Variants in GRIK2 observed in about 807,000 individuals in gnomAD.
GRIK2 encodes the protein glutamate ionotropic receptor kainate type subunit 2.
A neutral mutation model predicts 100.3 loss-of-function variants in GRIK2; 32 were observed. The observed-to-expected ratio is 0.32, with a 90% confidence interval of 0.24 to 0.43. The LOEUF (loss-of-function observed/expected upper bound fraction) is 0.43. Among genes scored for constraint, GRIK2 ranks in the 20% least tolerant of loss-of-function variants. The pLI is 1.00. For missense variants in GRIK2, 843 were observed against 1,114.9 expected, an observed-to-expected ratio of 0.76 and a Z score of 3.47; for synonymous variants, 417 against 389.4, an observed-to-expected ratio of 1.07 and a Z score of -0.83.
rs185914070 is a variant in GRIK2 at position 101,562,751 on chromosome 6, G to C, written c.116-59198G>C. 3.2e-4 allele frequency among the ~76,000 whole-genome samples: 49 copies of C among 152,066 alleles called. No individual in the cohort carries two copies. In the East Asian group the frequency reaches 5.0e-3, roughly 16 times the overall value. ...CTGATGATTAAATGATGTAATATAT[G>C]TAAAACATCAAGTTGAGTGCCATAT... On this transcript the variant is annotated intron_variant, in intron 2 of 16. Transcript: ENST00000369134.
At chr6:101,696,306 T>C (rs1050921797) in intron 7 of GRIK2, among the ~76,000 whole-genome samples, 32 of 151,520 alleles carry the variant, frequency 2.1e-4, no homozygotes, top group African/African-American at 7.3e-4. Flanking sequence ...ATTTATATTA[T>C]ATATAATGCA....
chr6:101,899,875 T>C (rs1465065546), intron 12 of GRIK2, among the ~76,000 whole-genome samples: 1 of 152,144 alleles, frequency 6.6e-6, no homozygotes, highest in Non-Finnish European at 1.5e-5. Flanking sequence ...CTTCCCTTAC[T>C]ATTCTTGGTA....
intron 6 of GRIK2, among the ~76,000 whole-genome samples, chr6:101,683,334 C>A (rs1771430344): frequency 6.6e-6 from 1 of 152,092 alleles, no homozygotes; most frequent in South Asian, 2.1e-4. Flanking sequence ...TCTGCTTTTG[C>A]CTGTATTTAG....
intron 10 of GRIK2, among the ~76,000 whole-genome samples, chr6:101,835,634 C>T (rs1261371273): frequency 1.3e-5 from 2 of 150,460 alleles, no homozygotes; most frequent in African/African-American, 4.9e-5. Flanking sequence ...CCACGCCTGG[C>T]TAATTTTTGT....
intron 12 of GRIK2, among the ~76,000 whole-genome samples, chr6:101,917,303 CAAG>C (rs887299662): frequency 3.3e-5 from 5 of 151,810 alleles, no homozygotes; most frequent in African/African-American, 1.2e-4. Context: ...TTCTGCTTCT[CAAG>C]AAAATGCCAA....
chr6:101,736,346 C>A (rs1775631125), intron 7 of GRIK2, among the ~76,000 whole-genome samples: 1 of 152,240 alleles, frequency 6.6e-6, no homozygotes, highest in African/African-American at 2.4e-5. Flanking sequence ...GACCCAACAT[C>A]TCCCTTTCAC....
At chr6:101,605,156 G>A (rs1432464041) in intron 2 of GRIK2, among the ~76,000 whole-genome samples, 1 of 151,958 alleles carries the variant, frequency 6.6e-6, no homozygotes, top group African/African-American at 2.4e-5. Context: ...ACAAAGGAAA[G>A]GCTTGATGCT....
intron 4 of GRIK2, among the ~76,000 whole-genome samples, chr6:101,636,313 G>C (rs540504024): frequency 1.7e-4 from 26 of 152,150 alleles, no homozygotes; most frequent in African/African-American, 5.1e-4. Context: ...AGAACACATG[G>C]ACACAGAGGG....
At chr6:101,481,262 T>C (rs933186995) in intron 2 of GRIK2, among the ~76,000 whole-genome samples, 2 of 152,198 alleles carry the variant, frequency 1.3e-5, no homozygotes, top group African/African-American at 2.4e-5. Context: ...CTGTTTTTGG[T>C]ATATGAAATT....
intron 2 of GRIK2, among the ~76,000 whole-genome samples, chr6:101,562,096 T>C (rs953113757): frequency 6.6e-6 from 1 of 152,188 alleles, no homozygotes; most frequent in Non-Finnish European, 1.5e-5. Flanking sequence ...GTCCTTATTT[T>C]AATTTTGGCT....
chr6:102,028,935 TC>T (rs1769845811), intron 14 of GRIK2, among the ~76,000 whole-genome samples: 1 of 151,310 alleles, frequency 6.6e-6, no homozygotes, highest in Non-Finnish European at 1.5e-5. Flanking sequence ...CTCTTTATGA[TC>T]CTCTAATTTG....
At chr6:101,400,479 T>C (rs1011950365) in intron 2 of GRIK2, among the ~76,000 whole-genome samples, 30 of 152,190 alleles carry the variant, frequency 2.0e-4, no homozygotes, top group Admixed American at 6.5e-4. Flanking sequence ...AATGCTCCCA[T>C]TGTAGGCACT....
At chr6:101,535,794 C>T (rs1042899299) in intron 2 of GRIK2, among the ~76,000 whole-genome samples, 2 of 151,548 alleles carry the variant, frequency 1.3e-5, no homozygotes, top group Non-Finnish European at 3.0e-5. Flanking sequence ...GAAGACAGAA[C>T]ATCTCGTTGC....
intron 14 of GRIK2, among the ~76,000 whole-genome samples, chr6:102,012,850 G>C (rs987896349): frequency 2.0e-5 from 3 of 152,114 alleles, no homozygotes; most frequent in Non-Finnish European, 2.9e-5. Context: ...TTGTAGTATA[G>C]TTTGAAGTCA....
chr6:101,395,793 A>G (rs536342337), intron 1 of GRIK2, among the ~76,000 whole-genome samples: 2 of 152,048 alleles, frequency 1.3e-5, no homozygotes, highest in Non-Finnish European at 2.9e-5. Flanking sequence ...TTTTTGAGGT[A>G]TACTTCTAAA....
At chr6:101,838,723 C>A (rs952316826) in intron 10 of GRIK2, among the ~76,000 whole-genome samples, 5 of 151,038 alleles carry the variant, frequency 3.3e-5, no homozygotes, top group African/African-American at 1.2e-4. Flanking sequence ...GCGATCTCGG[C>A]TCACTGCAAC....
intron 10 of GRIK2, 46 bp downstream of exon 10, chr6:101,818,529 A>T: frequency 1.0e-6 from 1 of 996,852 alleles, no homozygotes; most frequent in Admixed American, 1.8e-5. Context: ...GTAGATGAAC[A>T]CAGAAGTGCA....
chr6:101,526,912 G>A (rs1361005374), intron 2 of GRIK2, among the ~76,000 whole-genome samples: 5 of 152,158 alleles, frequency 3.3e-5, no homozygotes, highest in Non-Finnish European at 5.9e-5. Context: ...TCCTCTCCGG[G>A]GGTTCAGAGG....
chr6:101,826,311 A>G (rs1248523434), intron 10 of GRIK2, among the ~76,000 whole-genome samples: 1 of 152,094 alleles, frequency 6.6e-6, no homozygotes, highest in Non-Finnish European at 1.5e-5. Flanking sequence ...TGGCAACATT[A>G]AAAACTAAGT....
Sources: gnomAD v4.1 joint callset for allele counts (sites outside exome capture counted in the v4.1 genomes callset) on GRCh38, gnomAD v4.1.1 for gene constraint, MANE v1.5 for transcripts, NCBI Gene and HGNC (gene_info 2026-07-23, HGNC 2026-07-21) for gene names.